Variants in INTS6L observed in about 807,000 individuals in gnomAD.
INTS6L encodes the protein integrator complex subunit 6-like.
Under a neutral mutation model 64.7 loss-of-function variants are expected in INTS6L, and 18 were observed. The ratio of observed to expected loss-of-function variants is 0.28; its 90% confidence interval spans 0.19 to 0.41. The LOEUF (loss-of-function observed/expected upper bound fraction) is 0.41. INTS6L is among the 10% of genes least tolerant of loss of function. INTS6L has a pLI of 1.00. For missense variants in INTS6L, 533 were observed against 661.0 expected, an observed-to-expected ratio of 0.81 and a Z score of 2.12; for synonymous variants, 227 against 235.9, an observed-to-expected ratio of 0.96 and a Z score of 0.34.
At chrX:135,530,035 G>A (rs2085862749) in intron 2 of INTS6L, among the ~76,000 whole-genome samples, 2 of 111,731 alleles carry the variant, frequency 1.8e-5, no homozygotes, top group South Asian at 7.5e-4. Flanking sequence ...TATCAATTGT[G>A]ACAGAAAATT....
intron 6 of INTS6L, among the ~76,000 whole-genome samples, chrX:135,549,088 C>T (rs1006869602): frequency 8.0e-5 from 9 of 112,084 alleles, no homozygotes; most frequent in Non-Finnish European, 1.1e-4. Flanking sequence ...GTCTGCATTT[C>T]TTCTATCTTT....
At chrX:135,535,649 A>G (rs2086033738) in intron 2 of INTS6L, among the ~76,000 whole-genome samples, 1 of 112,451 alleles carries the variant, frequency 8.9e-6, no homozygotes, top group African/African-American at 3.2e-5. Flanking sequence ...GAATTGATTT[A>G]TGCAAATTTT....
chrX:135,549,529 T>C (rs889894217), intron 6 of INTS6L, 113 bp from the exon 7 acceptor site: 49 of 840,758 alleles, frequency 5.8e-5, no homozygotes, highest in Non-Finnish European at 7.9e-5. Flanking sequence ...TTTTCATGAA[T>C]CATTGTTCTT....
intron 9 of INTS6L, among the ~76,000 whole-genome samples, chrX:135,562,089 T>G (rs1490515437): frequency 1.8e-5 from 2 of 111,422 alleles, no homozygotes; most frequent in Non-Finnish European, 3.8e-5. Context: ...TGGTATGGGA[T>G]CTTAGATTAT....
intron 8 of INTS6L, among the ~76,000 whole-genome samples, chrX:135,554,060 A>G (rs1396250779): frequency 1.8e-5 from 2 of 111,872 alleles, no homozygotes; most frequent in African/African-American, 3.2e-5. Context: ...CAAAACCACA[A>G]TGGAGACCGG....
chrX:135,558,787 C>CT (rs1164910175), intron 9 of INTS6L, among the ~76,000 whole-genome samples: 3,043 of 94,588 alleles, frequency 0.032, 148 homozygotes, highest in African/African-American at 0.098. Flanking sequence ...TTTCTTTTTT[C>CT]TTTTTTTTTT....
rs143371309 is a variant in INTS6L, at chrX:135,552,113, C to T, written c.1026C>T (p.Ile342=). The T allele has an allele frequency of 2.4e-4, 292 of 1,201,301 alleles. No homozygotes were observed. Among genetic ancestry groups the T allele is most frequent in the Non-Finnish European group, 3.1e-4 (274 of 892,592 alleles). The change falls in exon 8 of 18, where the codon ATC becomes ATT. Residue 342 remains isoleucine (I), a synonymous_variant. Coordinates refer to ENST00000639893, the MANE Select transcript of INTS6L (RefSeq NM_001351601.3). The stretch of plus-strand genomic sequence containing the variant: ...AACCTTCGCCCTTAACTCAGTATAT[C>T]TTGGAACGAAAGTCTCCCCATACCT... The part of the protein sequence containing the change: ...ELEPSPLTQY[I]LERKSPHTCW...
intron 2 of INTS6L, among the ~76,000 whole-genome samples, chrX:135,522,043 G>T (rs35008250): frequency 3.6e-5 from 4 of 110,680 alleles, no homozygotes; most frequent in Non-Finnish European, 7.6e-5. Context: ...AAATCTGTCC[G>T]CGACGCCAGT....
At chrX:135,573,918 T>G (rs782611611) in intron 12 of INTS6L, 21 bp from the exon 13 acceptor site, 2 of 1,176,340 alleles carry the variant, frequency 1.7e-6, no homozygotes, top group South Asian at 3.9e-5. Context: ...TAACTGAAAT[T>G]ATTTGTTTCA....
chrX:135,533,721 C>T (rs1204594571), intron 2 of INTS6L, among the ~76,000 whole-genome samples: 2 of 111,963 alleles, frequency 1.8e-5, no homozygotes, highest in African/African-American at 6.5e-5. Flanking sequence ...ACACTTTCTG[C>T]AATGCTTAGG....
chrX:135,551,648 G>C (rs2086506253), intron 7 of INTS6L, among the ~76,000 whole-genome samples: 1 of 112,269 alleles, frequency 8.9e-6, no homozygotes, highest in African/African-American at 3.2e-5. Context: ...GCAATTCTTG[G>C]AGGTCATAAA....
At chrX:135,521,604 T>C (rs1556497013) in intron 2 of INTS6L, among the ~76,000 whole-genome samples, 4 of 109,953 alleles carry the variant, frequency 3.6e-5, no homozygotes, top group Non-Finnish European at 7.7e-5. Context: ...GCGGACATTT[T>C]GCTTTTGTAT....
chrX:135,554,420 T>G (rs782468497), intron 8 of INTS6L, among the ~76,000 whole-genome samples: 90 of 111,933 alleles, frequency 8.0e-4, no homozygotes, highest in Admixed American at 2.2e-3. Context: ...TCATTCAAAT[T>G]ATGACACAAA....
chrX:135,578,164 C>T (rs903515844), intron 15 of INTS6L, among the ~76,000 whole-genome samples: 2 of 111,849 alleles, frequency 1.8e-5, no homozygotes, highest in African/African-American at 3.3e-5. Context: ...TCCTTCACTG[C>T]GTTCTCTTCC....
intron 2 of INTS6L, among the ~76,000 whole-genome samples, chrX:135,528,826 A>G (rs2085812268): frequency 9.3e-6 from 1 of 107,187 alleles, no homozygotes; most frequent in African/African-American, 3.4e-5. Context: ...ATTGTTTCTG[A>G]AGGAGGATCC....
intron 2 of INTS6L, among the ~76,000 whole-genome samples, chrX:135,522,706 C>T (rs2085618507): frequency 8.9e-6 from 1 of 111,845 alleles, no homozygotes; most frequent in Admixed American, 9.4e-5. Flanking sequence ...TTCCTTCAAG[C>T]ATAAGGAAAC....
chrX:135,574,765 A>G (rs2087177572), intron 13 of INTS6L, among the ~76,000 whole-genome samples: 1 of 111,996 alleles, frequency 8.9e-6, no homozygotes, highest in Non-Finnish European at 1.9e-5. Context: ...CATAGAGACT[A>G]GACTCTTTGA....
rs959840170 is a variant in INTS6L at position 135,520,906 on chromosome X, G to T, written c.-87G>T. The T allele has an allele frequency of 1.2e-5, 12 of 987,431 alleles. No individual in the cohort carries two copies. Among genetic ancestry groups the T allele is most frequent in the African/African-American group, 1.9e-5 (1 of 52,824 alleles). The allele number at this position is 987,431 out of a possible 1,213,427, so 81.4% of individuals were successfully genotyped here. On this transcript the variant is annotated 5_prime_UTR_variant, in exon 1 of 18. Coordinates refer to ENST00000639893, the MANE Select transcript of INTS6L (RefSeq NM_001351601.3). ...CTTGCTCCTTGCTCCCCGGCTCTGC[G>T]AGAGTTGAGGGTTCAGGTGGCCGTA...
At chrX:135,566,397 A>G (rs2086950884) in intron 9 of INTS6L, among the ~76,000 whole-genome samples, 2 of 111,986 alleles carry the variant, frequency 1.8e-5, no homozygotes, top group Non-Finnish European at 3.8e-5. Flanking sequence ...TAAGAAGGCT[A>G]TTGTATAATT....
Sources: allele counts gnomAD v4.1 joint callset (sites outside exome capture counted in the v4.1 genomes callset), GRCh38; gene constraint gnomAD v4.1.1; transcripts MANE v1.5; gene names NCBI Gene and HGNC (gene_info 2026-07-23, HGNC 2026-07-21).